Variants in RNFT2 observed in about 807,000 individuals in gnomAD.
RNFT2 encodes the protein E3 ubiquitin-protein ligase RNFT2.
Under a neutral mutation model 53.0 loss-of-function variants are expected in RNFT2, and 36 were observed. The observed-to-expected ratio is 0.68, with a 90% CI of 0.52 to 0.90. The LOEUF (loss-of-function observed/expected upper bound fraction) is 0.90, where lower values mean the gene tolerates loss of function less well. Among genes scored for constraint, RNFT2 ranks in the 40% least tolerant of loss-of-function variants. The probability of loss-of-function intolerance (pLI) is 0.00; values close to 1 mark genes in which losing one functional copy is unlikely to be tolerated. For synonymous variants in RNFT2, 260 were observed against 253.2 expected (o/e 1.03, Z -0.26); for missense variants, 514 against 585.6 (o/e 0.88, Z 1.26).
At chr12:116,772,201 C>G (rs1339337940) in intron 6 of RNFT2, among the ~76,000 whole-genome samples, 2 of 152,264 alleles carry the variant, frequency 1.3e-5, no homozygotes, top group Admixed American at 6.5e-5. Flanking sequence ...AAGCGATCCT[C>G]CCACCTCAGC....
chr12:116,764,213 G>T (rs1872814206), intron 5 of RNFT2, among the ~76,000 whole-genome samples: 1 of 152,018 alleles, frequency 6.6e-6, no homozygotes, highest in Non-Finnish European at 1.5e-5. Context: ...GAAAGAGTGG[G>T]AAGGGAGTGA....
chr12:116,826,334 C>T (rs954173343), intron 7 of RNFT2, among the ~76,000 whole-genome samples: 3 of 152,058 alleles, frequency 2.0e-5, no homozygotes, highest in African/African-American at 4.8e-5. Context: ...AGCAGAGAAC[C>T]GTCCATGCCC....
intron 7 of RNFT2, among the ~76,000 whole-genome samples, chr12:116,785,350 A>G (rs1349531225): frequency 6.6e-6 from 1 of 151,150 alleles, no homozygotes; most frequent in East Asian, 2.0e-4. Context: ...TGGAGTACAG[A>G]GGCGCAATCA....
chr12:116,831,629 C>T (rs1876653159), intron 7 of RNFT2, among the ~76,000 whole-genome samples: 2 of 151,602 alleles, frequency 1.3e-5, no homozygotes, highest in African/African-American at 4.8e-5. Flanking sequence ...GGGTAAATTG[C>T]CAGACATAGA....
chr12:116,747,223 C>T (rs1190250146), intron 3 of RNFT2, among the ~76,000 whole-genome samples: 1 of 152,040 alleles, frequency 6.6e-6, no homozygotes, highest in Non-Finnish European at 1.5e-5. Flanking sequence ...TGCCTGGCTA[C>T]TTTTTAATTT....
intron 7 of RNFT2, among the ~76,000 whole-genome samples, chr12:116,818,741 A>G (rs970795097): frequency 4.6e-5 from 7 of 152,204 alleles, no homozygotes; most frequent in Admixed American, 4.6e-4. Context: ...CCTGGGTACA[A>G]GTCCCAGTTC....
At chr12:116,832,147 AAATATATAT>A (rs1268848526) in intron 7 of RNFT2, among the ~76,000 whole-genome samples, 2 of 43,260 alleles carry the variant, frequency 4.6e-5, no homozygotes, top group African/African-American at 9.9e-5. Context: ...AAAAAAAAAA[AAATATATAT>A]ATATATATAT....
chr12:116,760,700 G>A (rs1183831721), intron 5 of RNFT2, among the ~76,000 whole-genome samples: 2 of 152,096 alleles, frequency 1.3e-5, no homozygotes, highest in African/African-American at 4.8e-5. Flanking sequence ...GCTCTCCTGG[G>A]TCCTGCAGGA....
intron 7 of RNFT2, 70 bp from the exon 8 acceptor site, chr12:116,833,722 G>A: frequency 6.4e-7 from 1 of 1,566,918 alleles, no homozygotes; most frequent in Non-Finnish European, 8.7e-7. Flanking sequence ...GCCCGGGGCG[G>A]GGGGCCCCCC....
At chr12:116,841,414 C>A (rs542084889) in intron 10 of RNFT2, among the ~76,000 whole-genome samples, 26 of 152,130 alleles carry the variant, frequency 1.7e-4, no homozygotes, top group African/African-American at 6.0e-4. Flanking sequence ...GATTGCACCA[C>A]TACACCATAG....
chr12:116,837,614 T>C (rs1303328334), intron 10 of RNFT2, among the ~76,000 whole-genome samples: 1 of 152,138 alleles, frequency 6.6e-6, no homozygotes, highest in Non-Finnish European at 1.5e-5. Context: ...GATAATATAT[T>C]TGCATGAATC....
intron 7 of RNFT2, among the ~76,000 whole-genome samples, chr12:116,801,893 C>T (rs1202965318): frequency 2.0e-5 from 3 of 152,056 alleles, no homozygotes; most frequent in Non-Finnish European, 2.9e-5. Context: ...GCGATCTTGG[C>T]TCATTGCCAC....
Position 116,849,529 on chromosome 12 carries a change from A to C in RNFT2, c.*81A>C, listed in dbSNP as rs1877803833. 2.0e-6 allele frequency: 3 copies of C among 1,473,848 alleles called. No homozygotes were observed. The African/African-American group carries it at 4.2e-5, about 20-fold the overall frequency. The allele number at this position is 1,473,848 out of a possible 1,614,324, so 91.3% of individuals were successfully genotyped here. ...GCCCTGCGGGGGCTTCCTGAGAAAC[A>C]GGCCTCAAGCACTTACATCCTGCCT... On this transcript the variant is annotated 3_prime_UTR_variant, in exon 11 of 11. Transcript: ENST00000257575.
At chr12:116,837,211 T>C (rs981917114) in intron 10 of RNFT2, among the ~76,000 whole-genome samples, 1 of 152,148 alleles carries the variant, frequency 6.6e-6, no homozygotes, top group Non-Finnish European at 1.5e-5. Context: ...CAAATGTGTA[T>C]TGGGGTCAAA....
chr12:116,778,301 A>ATGG (rs1170977692), intron 6 of RNFT2, among the ~76,000 whole-genome samples: 4 of 152,174 alleles, frequency 2.6e-5, no homozygotes, highest in Non-Finnish European at 5.9e-5. Flanking sequence ...GGTCATGGGT[A>ATGG]TGGATCCTCC....
chr12:116,845,274 TAGAGAG>T (rs3069215), intron 10 of RNFT2, among the ~76,000 whole-genome samples: 6,015 of 125,122 alleles, frequency 0.048, 231 homozygotes, highest in African/African-American at 0.1. Context: ...TATATATATA[TAGAGAG>T]AGAGAGAGAG....
chr12:116,823,744 C>T (rs1253747570), intron 7 of RNFT2, among the ~76,000 whole-genome samples: 1 of 152,174 alleles, frequency 6.6e-6, no homozygotes. Context: ...TTTGACCAGA[C>T]TTAATTTATT....
intron 5 of RNFT2, among the ~76,000 whole-genome samples, chr12:116,760,686 G>C (rs1872661618): frequency 6.6e-6 from 1 of 152,110 alleles, no homozygotes; most frequent in Non-Finnish European, 1.5e-5. Context: ...CGCAGTTTTG[G>C]GGGGCTCTCC....
At chr12:116,821,928 G>A (rs937307954) in intron 7 of RNFT2, among the ~76,000 whole-genome samples, 10 of 148,816 alleles carry the variant, frequency 6.7e-5, no homozygotes, top group Admixed American at 1.3e-4. Flanking sequence ...TCTGCCTCCC[G>A]GGTTCAAGCC....
Sources: gnomAD v4.1 joint callset for allele counts (sites outside exome capture counted in the v4.1 genomes callset) on GRCh38, gnomAD v4.1.1 for gene constraint, MANE v1.5 for transcripts, NCBI Gene and HGNC (gene_info 2026-07-23, HGNC 2026-07-21) for gene names.